Variants in CDKN1A observed in about 807,000 individuals in gnomAD.
The protein encoded by CDKN1A is cyclin-dependent kinase inhibitor 1.
Under a neutral mutation model 14.8 loss-of-function variants are expected in CDKN1A, and 14 were observed. That is an observed-to-expected ratio of 0.94 (90% CI 0.62 to 1.48). The LOEUF is 1.48. Among genes scored for constraint, CDKN1A ranks in the 40% most tolerant of loss-of-function variants. The pLI, the probability that CDKN1A is intolerant of heterozygous loss-of-function variation, is 0.00. For synonymous variants in CDKN1A, 92 were observed against 93.5 expected, an observed-to-expected ratio of 0.98 and a Z score of 0.09; for missense variants, 203 against 231.7, an observed-to-expected ratio of 0.88 and a Z score of 0.80.
intron 1 of CDKN1A, among the ~76,000 whole-genome samples, chr6:36,681,584 G>GCTTT: frequency 8.6e-6 from 1 of 115,742 alleles, no homozygotes; most frequent in Non-Finnish European, 1.9e-5. Flanking sequence ...CCCATGCCCA[G>GCTTT]ATTTTTTTTT....
Position 36,686,072 on chromosome 6 carries a change from T to C in CDKN1A, c.*272T>C. 1 of 522,096 alleles carries C rather than the reference T, an allele frequency of 1.9e-6. No homozygotes were observed. 32.3% of individuals were successfully genotyped at this position (522,096 alleles called of 1,614,324 possible). A position where few individuals can be genotyped will look rare whatever the true frequency, so the allele number is the denominator to read the frequency against. ...TATTTAAAGCCTCCTCATCCCGTGT[T>C]CTCCTTTTCCTCTCTCCCGGAGGTT... is the stretch of plus-strand genomic sequence containing the variant. On this transcript the variant is annotated 3_prime_UTR_variant, in exon 3 of 3. Transcript: ENST00000244741. The surrounding 1 kb of genome is among the most constrained non-coding windows in gnomAD (Gnocchi z 4.9).
intron 1 of CDKN1A, among the ~76,000 whole-genome samples, chr6:36,681,273 T>TCTCTTTCTTTCC (rs199814609): frequency 0.25 from 22,225 of 89,768 alleles, 3,871 homozygotes; most frequent in East Asian, 0.49. Context: ...CTTTTCTTTC[T>TCTCTTTCTTTCC]TTCTTTTTTT....
Position 36,684,432 on chromosome 6 carries a change from G to A in CDKN1A, c.331G>A (p.Val111Met), listed in dbSNP as rs764143466. The A allele has an allele frequency of 6.8e-6, 11 of 1,613,948 alleles. No individual in the cohort carries two copies. The highest frequency in any genetic ancestry group is 8.5e-6 in the Non-Finnish European group (10 of 1,179,946). ...GCAGGGGACAGCAGAGGAAGACCAT[G>A]TGGACCTGTCACTGTCTTGTACCCT... Reference protein sequence around the residue: ...LLQGTAEEDHVDLSLSCTLVP... With the variant: ...LLQGTAEEDHMDLSLSCTLVP... The change falls in exon 2 of 3, where the codon GTG becomes ATG. Residue 111 changes from valine (V) to methionine (M), a missense_variant. By Grantham distance (21) the Val-to-Met change is conservative. Transcript: ENST00000244741. This position sits in a 1 kb window ranked among gnomAD's most constrained non-coding sequence, Gnocchi z 6.0.
rs1762144813 is a variant in CDKN1A at position 36,684,767 on chromosome 6, G to A, written c.445+221G>A. 6.6e-6 allele frequency among the ~76,000 whole-genome samples: 1 copy of A among 152,186 alleles called. No individual in the cohort carries two copies. The highest frequency in any genetic ancestry group is 2.4e-5 in the African/African-American group (1 of 41,456). On this transcript the variant is annotated intron_variant, in intron 2 of 2. Transcript: ENST00000244741. The surrounding 1 kb of genome is among the most constrained non-coding windows in gnomAD (Gnocchi z 6.0). ...TTCATTATGCCAGGCCCTTTGCCAAGCTTCTAAGGTAGATTTATTTAGTCC... is the reference window on the plus strand; with the variant it reads ...TTCATTATGCCAGGCCCTTTGCCAAACTTCTAAGGTAGATTTATTTAGTCC...
intron 1 of CDKN1A, among the ~76,000 whole-genome samples, chr6:36,681,334 T>TTTGCTTTC (rs1554185369): frequency 1.2e-5 from 1 of 86,058 alleles, no homozygotes; most frequent in Non-Finnish European, 2.5e-5. Context: ...CTTTCTTTCT[T>TTTGCTTTC]TTTCTTTCTT....
In CDKN1A at chr6:36,682,107, G is replaced by T. The variant is rs527558854; in HGVS notation, c.-5-1990G>T. ...ACCTCAAAATTAGAGAGGGAGTGGG[G>T]TTCAATACTACAGCACAGGACTCAG... On this transcript the variant is annotated intron_variant, in intron 1 of 2. Coordinates refer to ENST00000244741, the MANE Select transcript of CDKN1A (RefSeq NM_000389.5). Among the ~76,000 whole-genome samples, 27 of 152,262 alleles carry T rather than the reference G, an allele frequency of 1.8e-4. No individual in the cohort carries two copies. In the South Asian group the frequency reaches 3.7e-3, roughly 21 times the overall value.
In CDKN1A at chr6:36,686,308, A is replaced by C; in HGVS notation, c.*508A>C. 3.4e-6 allele frequency: 1 copy of C among 291,328 alleles called. No homozygotes were observed. The highest frequency in any genetic ancestry group is 6.8e-5 in the South Asian group (1 of 14,708). The allele number at this position is 291,328 out of a possible 1,614,324, so 18.0% of individuals were successfully genotyped here. On this transcript the variant is annotated 3_prime_UTR_variant, in exon 3 of 3. Coordinates refer to ENST00000244741, the MANE Select transcript of CDKN1A (RefSeq NM_000389.5). This position sits in a 1 kb window ranked among gnomAD's most constrained non-coding sequence, Gnocchi z 4.9. Reference sequence around the variant, plus strand: ...CTCACCGAGTGGGGGCATCATCAAAAACTTTGGAGTCCCCTCACCTCCTCT... The same window carrying C: ...CTCACCGAGTGGGGGCATCATCAAACACTTTGGAGTCCCCTCACCTCCTCT...
chr6:36,684,438 C>G lies in CDKN1A; in HGVS notation c.337C>G (p.Leu113Val), dbSNP rs1243837099. The change falls in exon 2 of 3, where the codon CTG becomes GTG. Residue 113 changes from leucine to valine, a missense_variant. Physicochemically the swap from Leu to Val is conservative, Grantham distance 32 (BLOSUM62 1). Coordinates refer to ENST00000244741, the MANE Select transcript of CDKN1A (RefSeq NM_000389.5). This position sits in a 1 kb window ranked among gnomAD's most constrained non-coding sequence, Gnocchi z 6.0. ...QGTAEEDHVD[L>V]SLSCTLVPRS... Reference sequence around the variant, plus strand: ...GACAGCAGAGGAAGACCATGTGGACCTGTCACTGTCTTGTACCCTTGTGCC... The same window carrying G: ...GACAGCAGAGGAAGACCATGTGGACGTGTCACTGTCTTGTACCCTTGTGCC... 1 of 1,614,008 alleles carries G rather than the reference C, an allele frequency of 6.2e-7. No homozygotes were observed. The highest frequency in any genetic ancestry group is 8.5e-7 in the Non-Finnish European group (1 of 1,179,962).
chr6:36,683,564 C>A (rs1459331922), intron 1 of CDKN1A, among the ~76,000 whole-genome samples: 4 of 152,192 alleles, frequency 2.6e-5, no homozygotes, highest in Non-Finnish European at 5.9e-5. Context: ...GTGCTTTTTG[C>A]CCCAAAGTCC....
chr6:36,685,653 G>A (rs1451299947), intron 2 of CDKN1A, 98 bp from the exon 3 acceptor site: 1 of 1,261,984 alleles, frequency 7.9e-7, no homozygotes, highest in African/African-American at 1.5e-5. Flanking sequence ...ATTGGCCCCA[G>A]GGAAGGGTGT....
intron 1 of CDKN1A, among the ~76,000 whole-genome samples, chr6:36,679,381 T>C (rs1294157899): frequency 6.6e-6 from 1 of 152,140 alleles, no homozygotes; most frequent in Non-Finnish European, 1.5e-5. Context: ...GCGCGGGCTG[T>C]TTCCTGGCCC....
At chr6:36,681,241 T>G (rs1049545287) in intron 1 of CDKN1A, among the ~76,000 whole-genome samples, 2 of 151,560 alleles carry the variant, frequency 1.3e-5, no homozygotes, top group African/African-American at 4.9e-5. Flanking sequence ...GCAATCTATA[T>G]TTTGAAAAAA....
In CDKN1A at chr6:36,681,280, T is replaced by TCTTTCTTTCTTTC. The variant is rs1554185351; in HGVS notation, c.-6+2482_-6+2483insCTTTCTTTCTTTC. On this transcript the variant is annotated intron_variant, in intron 1 of 2. Transcript: ENST00000244741. ...CCTAGGTGCTTTTCTTTCTTTCTTT[T>TCTTTCTTTCTTTC]TTTCTTTCTTTCTTTCTTTCTTTCT... is the stretch of plus-strand genomic sequence containing the variant. 1.7e-4 allele frequency among the ~76,000 whole-genome samples: 19 copies of TCTTTCTTTCTTTC among 112,894 alleles called. 1 individual carries two copies. The highest frequency in any genetic ancestry group is 6.2e-4 in the African/African-American group (18 of 28,956). 74.1% of individuals were successfully genotyped at this position (112,894 alleles called of 152,430 possible).
At chr6:36,681,334 T>TCCTTCTTTCTTTC (rs1554185368) in intron 1 of CDKN1A, among the ~76,000 whole-genome samples, 1 of 86,058 alleles carries the variant, frequency 1.2e-5, no homozygotes, top group African/African-American at 4.3e-5. Context: ...CTTTCTTTCT[T>TCCTTCTTTCTTTC]TTTCTTTCTT....
At position 36,684,006 on chromosome 6, in the gene CDKN1A, C is replaced by T. The variant is rs3176350; in HGVS notation, c.-5-91C>T. 4.2e-4 allele frequency: 511 copies of T among 1,215,750 alleles called. No individual in the cohort carries two copies. The highest frequency in any genetic ancestry group is 5.2e-4 in the Non-Finnish European group (444 of 848,486). The allele number at this position is 1,215,750 out of a possible 1,614,324, so 75.3% of individuals were successfully genotyped here. On this transcript the variant is annotated intron_variant, in intron 1 of 2. Coordinates refer to ENST00000244741, the MANE Select transcript of CDKN1A (RefSeq NM_000389.5). This position sits in a 1 kb window ranked among gnomAD's most constrained non-coding sequence, Gnocchi z 6.0. ...TGAGAGAGACCCTCTGGTAGGAAGA[C>T]GTCACCTGAGGTGACACAGCAAAGC...
chr6:36,683,099 A>G (rs1280535707), intron 1 of CDKN1A, among the ~76,000 whole-genome samples: 1 of 152,190 alleles, frequency 6.6e-6, no homozygotes, highest in Non-Finnish European at 1.5e-5. Context: ...GGCTCAGTAA[A>G]ACTGAAGGCA....
intron 1 of CDKN1A, among the ~76,000 whole-genome samples, chr6:36,681,504 T>G (rs563381068): frequency 4.8e-4 from 72 of 149,128 alleles, no homozygotes; most frequent in Admixed American, 1.7e-3. Flanking sequence ...AATGGCACCA[T>G]CCTGGACTCA....
At chr6:36,677,889 C>G, upstream of CDKN1A, 2 of 1,364,608 alleles carry the variant, frequency 1.5e-6, no homozygotes, top group East Asian at 3.5e-5. Context: ...CCTCCCCTTC[C>G]TGGCCAACAA....
Position 36,684,238 on chromosome 6 carries a change from G to A in CDKN1A, c.137G>A (p.Arg46His), listed in dbSNP as rs1309823433. The A allele has an allele frequency of 4.3e-6, 7 of 1,612,226 alleles. No homozygotes were observed. The highest frequency in any genetic ancestry group is 4.5e-5 in the East Asian group (2 of 44,882). Residue 46 changes from arginine to histidine, a missense_variant, in exon 2 of 3, where the codon CGT (arginine) becomes CAT (histidine). By Grantham distance (29) the Arg-to-His change is conservative (BLOSUM62 0). Coordinates refer to ENST00000244741, the MANE Select transcript of CDKN1A (RefSeq NM_000389.5). The surrounding 1 kb of genome is among the most constrained non-coding windows in gnomAD (Gnocchi z 6.0). Reference sequence around the variant, plus strand: ...ATGGCGGGCTGCATCCAGGAGGCCCGTGAGCGATGGAACTTCGACTTTGTC... The same window carrying A: ...ATGGCGGGCTGCATCCAGGAGGCCCATGAGCGATGGAACTTCGACTTTGTC... ...ALMAGCIQEA[R>H]ERWNFDFVTE...
Sources: allele counts gnomAD v4.1 joint callset (sites outside exome capture counted in the v4.1 genomes callset), GRCh38; gene constraint gnomAD v4.1.1; non-coding constraint Gnocchi (gnomAD v3.1); transcripts MANE v1.5; gene names NCBI Gene and HGNC (gene_info 2026-07-23, HGNC 2026-07-21).